The following TMLHE variants were observed in gnomAD, a reference collection of about 807,000 sequenced individuals.
The protein encoded by TMLHE is trimethyllysine dioxygenase, mitochondrial.
In TMLHE, 18 loss-of-function variants were observed where a neutral mutation model predicts 25.7. That is an observed-to-expected ratio of 0.70 (90% CI 0.48 to 1.04). TMLHE has a LOEUF of 1.04. Among genes scored for constraint, TMLHE ranks in the 50% least tolerant of loss-of-function variants. The probability of loss-of-function intolerance (pLI) is 0.00; values close to 1 mark genes in which losing one functional copy is unlikely to be tolerated. For missense variants in TMLHE, 236 were observed against 259.0 expected (o/e 0.91, Z 0.61); for synonymous variants, 105 against 97.0 (o/e 1.08, Z -0.49).
At chrX:155,575,392 T>C (rs1557343677) in intron 1 of TMLHE, among the ~76,000 whole-genome samples, 1 of 111,921 alleles carries the variant, frequency 8.9e-6, no homozygotes, top group Admixed American at 9.5e-5. Flanking sequence ...TATGAGTCAT[T>C]GGAGTCCAAG....
intron 1 of TMLHE, among the ~76,000 whole-genome samples, chrX:155,546,267 T>G (rs1469701362): frequency 1.8e-5 from 2 of 111,615 alleles, no homozygotes; most frequent in Non-Finnish European, 3.8e-5. Flanking sequence ...GTTGGGAAAA[T>G]GCCTTGATAA....
chrX:155,554,820 G>A (rs1453895561), intron 1 of TMLHE, among the ~76,000 whole-genome samples: 2 of 109,656 alleles, frequency 1.8e-5, no homozygotes, highest in African/African-American at 6.7e-5. Context: ...AAGGGGAATG[G>A]CCCTTGGTTG....
intron 1 of TMLHE, among the ~76,000 whole-genome samples, chrX:155,601,795 T>A (rs2067757772): frequency 9.1e-6 from 1 of 109,761 alleles, no homozygotes; most frequent in Non-Finnish European, 1.9e-5. Flanking sequence ...AAAGACACAC[T>A]TTAAATGTGA....
At chrX:155,553,539 C>T (rs782076876) in intron 1 of TMLHE, among the ~76,000 whole-genome samples, 1 of 109,521 alleles carries the variant, frequency 9.1e-6, no homozygotes, top group African/African-American at 3.3e-5. Flanking sequence ...CTTTTACTTT[C>T]AATCTTCCTA....
In TMLHE at chrX:155,560,957, T is replaced by A. The variant is rs1557341759; in HGVS notation, c.-1-15680A>T. ...GGCCAAGGAAAGGAGGGATACCTGT[T>A]AGTAGGCTATTACAGTACTGGATTT... On this transcript the variant is annotated intron_variant, in intron 1 of 7. Transcript: ENST00000334398. Among the ~76,000 whole-genome samples, 2 of 61,396 alleles carry A rather than the reference T, an allele frequency of 3.3e-5. 1 individual carries two copies. Among genetic ancestry groups the A allele is most frequent in the African/African-American group, 7.2e-5 (2 of 27,671 alleles). The allele number at this position is 61,396 out of a possible 115,157, so 53.3% of individuals were successfully genotyped here. A position where few individuals can be genotyped will look rare whatever the true frequency, so the allele number is the denominator to read the frequency against.
intron 1 of TMLHE, among the ~76,000 whole-genome samples, chrX:155,579,901 G>A (rs1190370318): frequency 9.1e-6 from 1 of 109,703 alleles, no homozygotes; most frequent in Admixed American, 9.8e-5. Context: ...GAAACTGCTG[G>A]ATATTGGTCT....
chrX:155,598,914 T>C (rs1557346882), intron 1 of TMLHE, among the ~76,000 whole-genome samples: 1 of 110,789 alleles, frequency 9.0e-6, no homozygotes, highest in Non-Finnish European at 1.9e-5. Context: ...TGTTCTTCTG[T>C]AGTTACAACG....
At chrX:155,595,298 C>T (rs2067714821) in intron 1 of TMLHE, among the ~76,000 whole-genome samples, 1 of 111,950 alleles carries the variant, frequency 8.9e-6, no homozygotes, top group Non-Finnish European at 1.9e-5. Context: ...ACCTAAAAAG[C>T]TGTGTGATGC....
intron 1 of TMLHE, among the ~76,000 whole-genome samples, chrX:155,576,555 T>A (rs1213915010): frequency 2.7e-5 from 3 of 111,421 alleles, no homozygotes; most frequent in Non-Finnish European, 5.7e-5. Flanking sequence ...GCCAAAACAA[T>A]CGTAAGGAAA....
At chrX:155,573,835 G>C (rs1410916510) in intron 1 of TMLHE, among the ~76,000 whole-genome samples, 1 of 46,476 alleles carries the variant, frequency 2.2e-5, no homozygotes, top group African/African-American at 8.5e-5. Context: ...GACTGTTGTG[G>C]GGTGGGGGGA....
chrX:155,558,913 C>G (rs1274941183), intron 1 of TMLHE, among the ~76,000 whole-genome samples: 2 of 111,533 alleles, frequency 1.8e-5, no homozygotes, highest in Admixed American at 9.6e-5. Context: ...ATAGCCTTGT[C>G]AGAAATAAGA....
chrX:155,532,668 C>CGTGTGTGT lies in TMLHE; in HGVS notation c.182-8044_182-8037dup, dbSNP rs33944459. ...GGTGTGTGGAATAATATGCAAAATT[C>CGTGTGTGT]GTGTGTGTGTGTGTGTGTGTGTGTG... On this transcript the variant is annotated intron_variant, in intron 2 of 7. Coordinates refer to ENST00000334398, the MANE Select transcript of TMLHE (RefSeq NM_018196.4). Among the ~76,000 whole-genome samples, 478 of 86,091 alleles carry CGTGTGTGT rather than the reference C, an allele frequency of 5.6e-3. 1 individual carries two copies. The highest frequency in any genetic ancestry group is 8.5e-3 in the African/African-American group (195 of 23,046). The allele number at this position is 86,091 out of a possible 115,157, so 74.8% of individuals were successfully genotyped here. A position where few individuals can be genotyped will look rare whatever the true frequency, so the allele number is the denominator to read the frequency against.
intron 1 of TMLHE, among the ~76,000 whole-genome samples, chrX:155,608,846 T>A (rs2124506740): frequency 8.9e-6 from 1 of 111,915 alleles, no homozygotes; most frequent in South Asian, 3.7e-4. Context: ...TGAAATACCA[T>A]CTTACACCAG....
At chrX:155,547,887 C>T (rs781954650) in intron 1 of TMLHE, among the ~76,000 whole-genome samples, 3 of 110,752 alleles carry the variant, frequency 2.7e-5, no homozygotes, top group Non-Finnish European at 5.7e-5. Flanking sequence ...ATTAAAATCT[C>T]CACACCTGCT....
intron 1 of TMLHE, among the ~76,000 whole-genome samples, chrX:155,597,428 G>T (rs112282817): frequency 1.3e-3 from 149 of 111,593 alleles, no homozygotes; most frequent in African/African-American, 4.7e-3. Flanking sequence ...CATTGTGGAA[G>T]TCAGTGTGGC....
At chrX:155,577,934 G>C (rs2067601485) in intron 1 of TMLHE, among the ~76,000 whole-genome samples, 1 of 111,427 alleles carries the variant, frequency 9.0e-6, no homozygotes. Context: ...GCCTGCCTAT[G>C]TTGCTCCCAC....
intron 1 of TMLHE, among the ~76,000 whole-genome samples, chrX:155,549,324 G>A (rs1426420073): frequency 9.1e-6 from 1 of 110,451 alleles, no homozygotes; most frequent in Non-Finnish European, 1.9e-5. Context: ...CTAGTTTCAT[G>A]ATTAAGTATG....
intron 1 of TMLHE, among the ~76,000 whole-genome samples, chrX:155,589,157 A>G (rs1389320117): frequency 8.9e-6 from 1 of 112,063 alleles, no homozygotes; most frequent in Non-Finnish European, 1.9e-5. Context: ...CATAAAAAAG[A>G]ATGAAATCGG....
chrX:155,546,514 C>CTG (rs1243176864), intron 1 of TMLHE, among the ~76,000 whole-genome samples: 3 of 110,247 alleles, frequency 2.7e-5, no homozygotes, highest in Admixed American at 2.0e-4. Context: ...TGGTGAGTGC[C>CTG]TGTGTGTGTG....
Sources: allele counts gnomAD v4.1 joint callset (sites outside exome capture counted in the v4.1 genomes callset), GRCh38; gene constraint gnomAD v4.1.1; transcripts MANE v1.5; gene names NCBI Gene and HGNC (gene_info 2026-07-23, HGNC 2026-07-21).